PPP2R3B: variants seen among roughly 807,000 people sequenced by gnomAD.
PPP2R3B encodes serine/threonine-protein phosphatase 2A regulatory subunit B'' subunit beta.
A neutral mutation model predicts 72.9 loss-of-function variants in PPP2R3B; 68 were observed. That is an observed-to-expected ratio of 0.93 (90% CI 0.77 to 1.14). The LOEUF is 1.14. Ranked by LOEUF, PPP2R3B falls within the 50% of genes most tolerant of loss-of-function variation. The pLI is 0.00. For missense variants in PPP2R3B, 1,018 were observed against 842.0 expected, an observed-to-expected ratio of 1.21 and a Z score of -2.59; for synonymous variants, 466 against 375.8, an observed-to-expected ratio of 1.24 and a Z score of -2.78.
intron 2 of PPP2R3B, among the ~76,000 whole-genome samples, chrX:358,627 G>C (rs1346235359): frequency 6.6e-6 from 1 of 152,186 alleles, no homozygotes; most frequent in Admixed American, 6.5e-5. Context: ...CCAGCCAACG[G>C]ACCAGGTTCT....
chrX:345,817 C>T, intron 6 of PPP2R3B, 145 bp from the exon 7 acceptor site: 1 of 553,360 alleles, frequency 1.8e-6, no homozygotes, highest in Non-Finnish European at 2.7e-6. Flanking sequence ...CCGGGGGGCA[C>T]TCCGAGTGGG....
intron 10 of PPP2R3B, 91 bp from the exon 11 acceptor site, chrX:338,987 TAAG>T: frequency 9.6e-7 from 1 of 1,045,580 alleles, no homozygotes; most frequent in Admixed American, 1.7e-5. Context: ...CACACGTGCT[TAAG>T]GACGCGGCAC....
At chrX:344,035 G>C (rs1461810470) in intron 7 of PPP2R3B, among the ~76,000 whole-genome samples, 1 of 118,290 alleles carries the variant, frequency 8.5e-6, no homozygotes, top group Middle Eastern at 6.3e-3. Context: ...GGAGGGAGAC[G>C]TCGCCAACGG....
In PPP2R3B at chrX:346,921, TG is replaced by T. The variant is rs2071229460; in HGVS notation, c.718-147del. On this transcript the variant is annotated intron_variant, in intron 4 of 12. Coordinates refer to ENST00000390665, the MANE Select transcript of PPP2R3B (RefSeq NM_013239.5). ...GCCCTCCCGTGAGGGATGAGGCGTA[TG>T]GTGTAGACGCCGGCCCTCCCGTGAG... 1.3e-5 allele frequency: 10 copies of T among 772,646 alleles called. No homozygotes were observed. In the South Asian group the frequency reaches 1.7e-4, roughly 13 times the overall value. The allele number at this position is 772,646 out of a possible 1,614,324, so 47.9% of individuals were successfully genotyped here. A position where few individuals can be genotyped will look rare whatever the true frequency, so the allele number is the denominator to read the frequency against.
chrX:386,241 G>T (rs2072246013), intron 1 of PPP2R3B, 127 bp downstream of exon 1: 2 of 673,246 alleles, frequency 3.0e-6, no homozygotes, highest in Non-Finnish European at 4.2e-6. Context: ...TCGGGGCGGG[G>T]AACAGACTCA....
intron 7 of PPP2R3B, among the ~76,000 whole-genome samples, chrX:344,294 C>T (rs1476976788): frequency 1.6e-5 from 1 of 64,144 alleles, no homozygotes; most frequent in Non-Finnish European, 3.3e-5. Context: ...AACGGGAGGC[C>T]GGAGTGAGAC....
At chrX:363,723 G>A (rs867944972) in intron 1 of PPP2R3B, among the ~76,000 whole-genome samples, 3 of 73,630 alleles carry the variant, frequency 4.1e-5, no homozygotes, top group Admixed American at 1.5e-4. Flanking sequence ...AGCCCACAAC[G>A]CATTCCCGCA....
At chrX:338,300 T>C (rs1474875817) in intron 12 of PPP2R3B, 14 of 542,694 alleles carry the variant, frequency 2.6e-5, no homozygotes, top group Non-Finnish European at 4.4e-5. Context: ...ACAGACGTCG[T>C]TGGCGAAACA....
At chrX:344,999 G>A (rs1302124645) in intron 7 of PPP2R3B, 4 of 359,710 alleles carry the variant, frequency 1.1e-5, no homozygotes, top group Non-Finnish European at 2.2e-5. Flanking sequence ...TTGAGTTCCT[G>A]CAAGTGTGGA....
At chrX:367,080 G>GAC (rs1269857216) in intron 1 of PPP2R3B, among the ~76,000 whole-genome samples, 5 of 151,438 alleles carry the variant, frequency 3.3e-5, no homozygotes, top group Non-Finnish European at 5.9e-5. Context: ...CAAATTTACA[G>GAC]AGCATGCACC....
At chrX:385,954 GC>G (rs2072238395) in intron 1 of PPP2R3B, among the ~76,000 whole-genome samples, 1 of 152,108 alleles carries the variant, frequency 6.6e-6, no homozygotes, top group Non-Finnish European at 1.5e-5. Context: ...GGTGGCACGT[GC>G]CTGTAAGTCC....
intron 7 of PPP2R3B, chrX:345,175 G>T: frequency 1.8e-6 from 1 of 556,682 alleles, no homozygotes; most frequent in South Asian, 1.5e-5. Flanking sequence ...GCTCCTGAGG[G>T]AAGGCGTGTG....
chrX:334,276 C>G lies in PPP2R3B; in HGVS notation c.*91G>C. 7.5e-7 allele frequency: 1 copy of G among 1,333,894 alleles called. No homozygotes were observed. Among genetic ancestry groups the G allele is most frequent in the South Asian group, 1.6e-5 (1 of 63,102 alleles). 82.6% of individuals were successfully genotyped at this position (1,333,894 alleles called of 1,614,324 possible). A position where few individuals can be genotyped will look rare whatever the true frequency, so the allele number is the denominator to read the frequency against. ...AAGTTTATCATTCCGTACAAACGCA[C>G]TCATTTTCCACAACAGTTTTTACAC... On this transcript the variant is annotated 3_prime_UTR_variant, in exon 13 of 13. Coordinates refer to ENST00000390665, the MANE Select transcript of PPP2R3B (RefSeq NM_013239.5).
In PPP2R3B at chrX:334,033, C is replaced by A; in HGVS notation, c.*334G>T. On this transcript the variant is annotated 3_prime_UTR_variant, in exon 13 of 13. Coordinates refer to ENST00000390665, the MANE Select transcript of PPP2R3B (RefSeq NM_013239.5). ...GAGGCTCCTGTCCAGGACTGAGGCG[C>A]CCGGGAGCCGCCGGTCACCGTTGTG... 4.0e-6 allele frequency: 1 copy of A among 251,822 alleles called. No individual in the cohort carries two copies. The highest frequency in any genetic ancestry group is 7.5e-6 in the Non-Finnish European group (1 of 132,992). 15.6% of individuals were successfully genotyped at this position (251,822 alleles called of 1,614,324 possible). A position where few individuals can be genotyped will look rare whatever the true frequency, so the allele number is the denominator to read the frequency against.
At chrX:374,340 A>T (rs1453294467) in intron 1 of PPP2R3B, among the ~76,000 whole-genome samples, 2 of 152,200 alleles carry the variant, frequency 1.3e-5, no homozygotes. Flanking sequence ...CACGCACGGC[A>T]GCCCAGACAT....
rs760212009 is a variant in PPP2R3B, at chrX:334,441, CGAA to C, written c.1651_1653del (p.Phe551del). On this transcript the variant is annotated inframe_deletion, in exon 13 of 13. Coordinates refer to ENST00000390665, the MANE Select transcript of PPP2R3B (RefSeq NM_013239.5). ...ACGGCGCCCAGCGGTGAGGGCGCCT[CGAA>C]GAAGGGCCTCTGGGCCAGCGGGGAG... 1.3e-4 allele frequency: 214 copies of C among 1,595,830 alleles called. No homozygotes were observed. The highest frequency in any genetic ancestry group is 1.2e-3 in the African/African-American group (92 of 74,100).
intron 7 of PPP2R3B, 62 bp downstream of exon 7, chrX:345,454 G>A: frequency 6.2e-7 from 1 of 1,603,534 alleles, no homozygotes; most frequent in South Asian, 1.1e-5. Context: ...AGACCCGCAG[G>A]CCCTGAGAGA....
At chrX:348,449 G>A (rs1202648039) in intron 2 of PPP2R3B, among the ~76,000 whole-genome samples, 22 of 151,818 alleles carry the variant, frequency 1.4e-4, no homozygotes, top group Admixed American at 3.3e-4. Context: ...GGTGGCGGGC[G>A]CCTGTAATCC....
chrX:355,687 A>T (rs2071421124), intron 2 of PPP2R3B, among the ~76,000 whole-genome samples: 1 of 149,832 alleles, frequency 6.7e-6, no homozygotes, highest in Non-Finnish European at 1.5e-5. Flanking sequence ...ACGGTGGTGA[A>T]TTCTGTTGTG....
Sources: allele counts gnomAD v4.1 joint callset (sites outside exome capture counted in the v4.1 genomes callset), GRCh38; gene constraint gnomAD v4.1.1; transcripts MANE v1.5; gene names NCBI Gene and HGNC (gene_info 2026-07-23, HGNC 2026-07-21).